The following AGBL1 variants were observed in gnomAD, a reference collection of about 807,000 sequenced individuals.
The protein encoded by AGBL1 is AGBL carboxypeptidase 1, also known as cytosolic carboxypeptidase 4.
Under a neutral mutation model 118.9 loss-of-function variants are expected in AGBL1, and 130 were observed. The observed-to-expected ratio is 1.09, with a 90% CI of 0.95 to 1.26. The LOEUF is 1.26. AGBL1 is among the 50% of genes most tolerant of loss of function. AGBL1 has a pLI of 0.00. For synonymous variants in AGBL1, 555 were observed against 478.9 expected (o/e 1.16, Z -2.08); for missense variants, 1,584 against 1,298.1 (o/e 1.22, Z -3.38).
intron 22 of AGBL1, among the ~76,000 whole-genome samples, chr15:86,713,795 T>TA (rs1288905354): frequency 6.6e-6 from 1 of 152,108 alleles, no homozygotes; most frequent in Non-Finnish European, 1.5e-5. Flanking sequence ...TATTTTTTTT[T>TA]TCCCATGAAT....
chr15:86,662,941 A>G (rs1024101548), intron 21 of AGBL1, among the ~76,000 whole-genome samples: 1 of 152,126 alleles, frequency 6.6e-6, no homozygotes, highest in Non-Finnish European at 1.5e-5. Context: ...ATTTTTGAAA[A>G]TAGTTTTGAT....
intron 2 of AGBL1, among the ~76,000 whole-genome samples, 175 bp downstream of exon 2, chr15:86,142,242 C>A (rs966729765): frequency 6.6e-6 from 1 of 152,200 alleles, no homozygotes; most frequent in African/African-American, 2.4e-5. Flanking sequence ...GTAACCTGGA[C>A]TGTTTGTACT....
intron 23 of AGBL1, among the ~76,000 whole-genome samples, chr15:86,922,800 C>T (rs7178641): frequency 0.088 from 13,354 of 152,074 alleles, 883 homozygotes; most frequent in African/African-American, 0.19. Context: ...GGCAATGAAG[C>T]GATTTCTAGG....
chr15:86,132,008 C>T (rs952910361), intron 1 of AGBL1, among the ~76,000 whole-genome samples: 18 of 151,934 alleles, frequency 1.2e-4, no homozygotes, highest in Non-Finnish European at 2.5e-4. Flanking sequence ...ATCCTGATGC[C>T]TATTTCTTAA....
chr15:86,389,513 A>C (rs2081246427), intron 17 of AGBL1, among the ~76,000 whole-genome samples: 1 of 152,234 alleles, frequency 6.6e-6, no homozygotes, highest in Non-Finnish European at 1.5e-5. Context: ...TCATATCAGA[A>C]GAAACACTAA....
At chr15:86,136,583 G>A (rs1054237017) in intron 1 of AGBL1, among the ~76,000 whole-genome samples, 2 of 152,164 alleles carry the variant, frequency 1.3e-5, no homozygotes, top group African/African-American at 4.8e-5. Flanking sequence ...TACAAAGAGT[G>A]GGGAGAAATG....
chr15:86,246,241 T>C (rs1161746078), intron 6 of AGBL1, among the ~76,000 whole-genome samples: 4 of 152,150 alleles, frequency 2.6e-5, no homozygotes, highest in Admixed American at 2.0e-4. Flanking sequence ...TGTAAGCCAC[T>C]GATAGGGGGT....
intron 17 of AGBL1, among the ~76,000 whole-genome samples, chr15:86,375,270 A>G (rs759525213): frequency 1.3e-5 from 2 of 152,198 alleles, no homozygotes; most frequent in East Asian, 1.9e-4. Context: ...GACACTTACA[A>G]TCATGGCAGA....
intron 21 of AGBL1, among the ~76,000 whole-genome samples, chr15:86,580,302 A>G (rs1290224338): frequency 1.3e-5 from 2 of 152,134 alleles, no homozygotes; most frequent in African/African-American, 4.8e-5. Context: ...ATAAATGCAG[A>G]TTTGTACTTT....
rs1185565165 is a variant in AGBL1, at chr15:86,626,187, A to G, written c.2995-48086A>G. 9.2e-5 allele frequency among the ~76,000 whole-genome samples: 14 copies of G among 152,306 alleles called. No homozygotes were observed. The East Asian group carries it at 1.9e-3, about 21-fold the overall frequency. On this transcript the variant is annotated intron_variant, in intron 21 of 22. Transcript: ENST00000614907. The stretch of plus-strand genomic sequence containing the variant: ...TACCCAAAGGAATATAAATCATTCT[A>G]TCATATAGACACATGCATACGTGTG...
At chr15:86,260,667 A>G (rs1228218850) in intron 9 of AGBL1, among the ~76,000 whole-genome samples, 1 of 152,218 alleles carries the variant, frequency 6.6e-6, no homozygotes, top group East Asian at 1.9e-4. Context: ...AAGAGTTCAC[A>G]GTCTAGTGGA....
At chr15:86,322,313 C>T (rs2080116035) in intron 17 of AGBL1, among the ~76,000 whole-genome samples, 1 of 151,322 alleles carries the variant, frequency 6.6e-6, no homozygotes, top group African/African-American at 2.4e-5. Context: ...TTTTCTTTAC[C>T]TATTTTGAGA....
At chr15:86,959,536 C>T (rs763490251) in intron 23 of AGBL1, among the ~76,000 whole-genome samples, 6 of 149,320 alleles carry the variant, frequency 4.0e-5, no homozygotes, top group Non-Finnish European at 8.8e-5. Flanking sequence ...ATCATCATTA[C>T]AACACACACA....
At chr15:86,387,771 C>T (rs960392596) in intron 17 of AGBL1, among the ~76,000 whole-genome samples, 5 of 152,286 alleles carry the variant, frequency 3.3e-5, no homozygotes, top group African/African-American at 7.2e-5. Context: ...ATCCCCAGTG[C>T]GGTGAGTAGG....
intron 21 of AGBL1, among the ~76,000 whole-genome samples, chr15:86,558,266 A>G (rs1442837949): frequency 6.6e-6 from 1 of 152,162 alleles, no homozygotes; most frequent in African/African-American, 2.4e-5. Context: ...AGCTGTGTCT[A>G]TAACCAGGAA....
chr15:86,832,060 T>C (rs1280013771), intron 22 of AGBL1, among the ~76,000 whole-genome samples: 1 of 152,194 alleles, frequency 6.6e-6, no homozygotes, highest in East Asian at 1.9e-4. Flanking sequence ...CGGCCTGAGC[T>C]CTATGTCGGC....
intron 11 of AGBL1, 54 bp from the exon 12 acceptor site, chr15:86,266,320 G>A (rs2079070434): frequency 1.5e-6 from 2 of 1,371,610 alleles, no homozygotes; most frequent in South Asian, 1.4e-5. Context: ...CACAGGATGA[G>A]TGAGCTAGGG....
At chr15:86,789,806 C>G (rs2078465551) in intron 22 of AGBL1, among the ~76,000 whole-genome samples, 1 of 152,138 alleles carries the variant, frequency 6.6e-6, no homozygotes, top group Non-Finnish European at 1.5e-5. Context: ...CATAAGATAT[C>G]TCACCCTTGC....
intron 22 of AGBL1, among the ~76,000 whole-genome samples, chr15:86,740,425 C>T (rs1458202784): frequency 1.3e-5 from 2 of 152,156 alleles, no homozygotes; most frequent in East Asian, 3.9e-4. Context: ...GTATGCCCCA[C>T]ACTCTTGTGT....
Sources: allele counts gnomAD v4.1 joint callset (sites outside exome capture counted in the v4.1 genomes callset), GRCh38; gene constraint gnomAD v4.1.1; transcripts MANE v1.5; gene names NCBI Gene and HGNC (gene_info 2026-07-23, HGNC 2026-07-21).